The following LEKR1 variants were observed in gnomAD, a reference collection of about 807,000 sequenced individuals.
The protein encoded by LEKR1 is protein LEKR1.
LEKR1 carries 59 observed loss-of-function variants against 72.4 expected under a neutral mutation model. That is an observed-to-expected ratio of 0.82 (90% CI 0.66 to 1.01). The LOEUF (loss-of-function observed/expected upper bound fraction) is 1.01. LEKR1 is among the 50% of genes least tolerant of loss of function. The pLI is 0.00. For missense variants in LEKR1, 728 were observed against 759.2 expected, an observed-to-expected ratio of 0.96 and a Z score of 0.48; for synonymous variants, 257 against 263.2, an observed-to-expected ratio of 0.98 and a Z score of 0.23.
chr3:157,004,545 CT>C (rs1482359895), intron 9 of LEKR1, among the ~76,000 whole-genome samples: 1 of 152,052 alleles, frequency 6.6e-6, no homozygotes, highest in Admixed American at 6.5e-5. Context: ...ATACAGATTA[CT>C]CACTGAGACA....
intron 6 of LEKR1, among the ~76,000 whole-genome samples, chr3:156,972,000 G>A (rs1444789927): frequency 2.0e-5 from 3 of 152,042 alleles, no homozygotes; most frequent in Non-Finnish European, 2.9e-5. Flanking sequence ...GGTACATACT[G>A]AAAGGATTAT....
intron 5 of LEKR1, among the ~76,000 whole-genome samples, chr3:156,931,499 A>G (rs1391363654): frequency 2.6e-5 from 4 of 152,192 alleles, no homozygotes; most frequent in Non-Finnish European, 5.9e-5. Context: ...TTTGGTATTT[A>G]CCCAAGGAAT....
intron 5 of LEKR1, among the ~76,000 whole-genome samples, chr3:156,937,005 A>G (rs1288728711): frequency 1.3e-5 from 2 of 152,142 alleles, no homozygotes; most frequent in East Asian, 3.9e-4. Flanking sequence ...TGCAGAGTGT[A>G]GTAGCACATG....
chr3:156,959,790 T>C (rs1298615535), intron 6 of LEKR1, among the ~76,000 whole-genome samples: 1 of 152,254 alleles, frequency 6.6e-6, no homozygotes, highest in Admixed American at 6.5e-5. Context: ...TAATGTTTGC[T>C]GAATATTATG....
chr3:156,961,754 T>C (rs1293231564), intron 6 of LEKR1, among the ~76,000 whole-genome samples: 2 of 152,208 alleles, frequency 1.3e-5, no homozygotes, highest in African/African-American at 4.8e-5. Flanking sequence ...TTGAATAAGT[T>C]ATTAATTTCT....
At position 156,899,504 on chromosome 3, in the gene LEKR1, ATG is replaced by A. The variant is rs1367769485; in HGVS notation, c.264-21069_264-21068del. 2.3e-3 allele frequency among the ~76,000 whole-genome samples: 219 copies of A among 96,246 alleles called. 7 individuals carry two copies. Among genetic ancestry groups the A allele is most frequent in the African/African-American group, 0.012 (208 of 17,580 alleles). The allele number at this position is 96,246 out of a possible 152,430, so 63.1% of individuals were successfully genotyped here. The stretch of plus-strand genomic sequence containing the variant: ...TACATACATATATACACATATATAC[ATG>A]TATATATACATACATACATATATAC... On this transcript the variant is annotated intron_variant, in intron 3 of 12. Transcript: ENST00000356539.
At chr3:156,979,115 A>G in intron 6 of LEKR1, 79 bp from the exon 7 acceptor site, 1 of 633,114 alleles carries the variant, frequency 1.6e-6, no homozygotes, top group Non-Finnish European at 2.5e-6. Context: ...ACTAGCAACA[A>G]AAGAATATGG....
chr3:156,877,223 T>C (rs1371289594), intron 3 of LEKR1, among the ~76,000 whole-genome samples: 1 of 152,176 alleles, frequency 6.6e-6, no homozygotes, highest in Non-Finnish European at 1.5e-5. Flanking sequence ...AGCTATTAAA[T>C]AGTATTTTTA....
Position 157,045,657 on chromosome 3 carries a change from C to G in LEKR1, c.1986C>G (p.Pro662=). ...TTAGATCAGGCGTGCCCATTCTCCC[C>G]CAGCCACATCCTCCCAGGGGTGGAG... ...KRVRSGVPIL[P]QPHPPRGGAS... Residue 662 remains proline (P), a synonymous_variant, in exon 13 of 13, where the codon CCC becomes CCG. Transcript: ENST00000356539. 2 of 1,614,098 alleles carry G rather than the reference C, an allele frequency of 1.2e-6. No individual in the cohort carries two copies. The highest frequency in any genetic ancestry group is 3.3e-5 in the Admixed American group (2 of 59,994).
chr3:156,990,541 T>C (rs1731071172), intron 7 of LEKR1, among the ~76,000 whole-genome samples: 1 of 152,194 alleles, frequency 6.6e-6, no homozygotes, highest in Non-Finnish European at 1.5e-5. Flanking sequence ...CTTTTTAAAA[T>C]TCCAGATCAT....
chr3:156,912,135 C>CA (rs1723176383), intron 3 of LEKR1, among the ~76,000 whole-genome samples: 1 of 151,706 alleles, frequency 6.6e-6, no homozygotes, highest in Non-Finnish European at 1.5e-5. Flanking sequence ...TAATTTCTTT[C>CA]AAAAAAATTT....
intron 2 of LEKR1, among the ~76,000 whole-genome samples, chr3:156,834,986 A>C (rs996433144): frequency 6.6e-6 from 1 of 152,224 alleles, no homozygotes; most frequent in African/African-American, 2.4e-5. Flanking sequence ...AGTTAATTAG[A>C]GTTCTTTATG....
chr3:156,873,842 A>G (rs1718251654), intron 3 of LEKR1, among the ~76,000 whole-genome samples: 1 of 152,064 alleles, frequency 6.6e-6, no homozygotes, highest in Non-Finnish European at 1.5e-5. Context: ...TTCCTGGCCC[A>G]TAAAGTTTCT....
chr3:156,893,954 T>G (rs1459239352), intron 3 of LEKR1, among the ~76,000 whole-genome samples: 1 of 152,162 alleles, frequency 6.6e-6, no homozygotes, highest in Non-Finnish European at 1.5e-5. Flanking sequence ...CTGAAGAGTC[T>G]CCCAATTCTA....
At chr3:156,993,973 T>A (rs1177721181) in intron 9 of LEKR1, among the ~76,000 whole-genome samples, 1 of 152,122 alleles carries the variant, frequency 6.6e-6, no homozygotes, top group African/African-American at 2.4e-5. Context: ...TTCATTGATT[T>A]AAAAATCTGG....
chr3:156,943,489 G>GAGA (rs1306347100), intron 6 of LEKR1, among the ~76,000 whole-genome samples: 1 of 151,894 alleles, frequency 6.6e-6, no homozygotes. Flanking sequence ...TTACAGAGGA[G>GAGA]AGAACCAAGG....
intron 10 of LEKR1, among the ~76,000 whole-genome samples, chr3:157,012,861 C>T (rs1221126043): frequency 6.6e-6 from 1 of 152,066 alleles, no homozygotes; most frequent in Non-Finnish European, 1.5e-5. Context: ...ATTCAACTGA[C>T]TGGTCTGCAC....
chr3:157,007,974 T>C (rs976979735), intron 9 of LEKR1, among the ~76,000 whole-genome samples: 1 of 152,306 alleles, frequency 6.6e-6, no homozygotes, highest in South Asian at 2.1e-4. Flanking sequence ...TAGAGGAAGA[T>C]GACTCTGCAA....
chr3:156,877,667 C>T (rs1718771629), intron 3 of LEKR1, among the ~76,000 whole-genome samples: 1 of 152,166 alleles, frequency 6.6e-6, no homozygotes, highest in African/African-American at 2.4e-5. Context: ...TGTAATATCT[C>T]CCATTTCATT....
Sources: allele counts gnomAD v4.1 joint callset (sites outside exome capture counted in the v4.1 genomes callset), GRCh38; gene constraint gnomAD v4.1.1; transcripts MANE v1.5; gene names NCBI Gene and HGNC (gene_info 2026-07-23, HGNC 2026-07-21).